Variants in FOXP2 observed in about 807,000 individuals in gnomAD.
The protein encoded by FOXP2 is forkhead box P2.
FOXP2 carries 12 observed loss-of-function variants against 115.8 expected under a neutral mutation model. The ratio of observed to expected loss-of-function variants is 0.10; its 90% CI spans 0.07 to 0.17. FOXP2 has a LOEUF of 0.17. Ranked by LOEUF, FOXP2 falls within the 10% of genes least tolerant of loss-of-function variation. The probability of loss-of-function intolerance (pLI) is 1.00; values close to 1 mark genes in which losing one functional copy is unlikely to be tolerated. For missense variants in FOXP2, 629 were observed against 843.5 expected, an observed-to-expected ratio of 0.75 and a Z score of 3.15; for synonymous variants, 328 against 297.7, an observed-to-expected ratio of 1.10 and a Z score of -1.05.
chr7:114,238,097 C>T (rs1795058322), intron 1 of FOXP2, among the ~76,000 whole-genome samples: 1 of 152,154 alleles, frequency 6.6e-6, no homozygotes, highest in African/African-American at 2.4e-5. Flanking sequence ...AACCAATTAT[C>T]ACTGTTTTGT....
intron 6 of FOXP2, among the ~76,000 whole-genome samples, chr7:114,635,659 T>A (rs1361134438): frequency 6.6e-6 from 1 of 152,196 alleles, no homozygotes. Flanking sequence ...GTATCATAAC[T>A]CTATAATTCT....
chr7:114,273,218 G>A (rs1796110906), intron 1 of FOXP2, among the ~76,000 whole-genome samples: 1 of 151,946 alleles, frequency 6.6e-6, no homozygotes, highest in African/African-American at 2.4e-5. Context: ...TTAGAAGTGT[G>A]TGGTTTAATC....
intron 3 of FOXP2, among the ~76,000 whole-genome samples, chr7:114,560,022 A>G (rs1178963340): frequency 4.6e-5 from 7 of 152,212 alleles, no homozygotes; most frequent in Non-Finnish European, 7.3e-5. Flanking sequence ...GCATTGGGAC[A>G]GTGGCTGCCA....
At chr7:114,556,609 G>A (rs975703671) in intron 3 of FOXP2, among the ~76,000 whole-genome samples, 1 of 152,132 alleles carries the variant, frequency 6.6e-6, no homozygotes, top group African/African-American at 2.4e-5. Flanking sequence ...ATTGAATCAA[G>A]TTCTAATCCA....
intron 4 of FOXP2, 134 bp downstream of exon 4, chr7:114,628,811 T>C: frequency 9.4e-7 from 1 of 1,059,962 alleles, no homozygotes; most frequent in Non-Finnish European, 1.4e-6. Flanking sequence ...AGAACATAAA[T>C]GTAACATTTT....
chr7:114,550,102 C>T (rs934956449), intron 3 of FOXP2, among the ~76,000 whole-genome samples: 4 of 139,544 alleles, frequency 2.9e-5, no homozygotes, highest in Non-Finnish European at 6.1e-5. Flanking sequence ...AGCTCATCTT[C>T]CTTTCTTTTC....
chr7:114,643,975 C>G (rs1392079580), intron 7 of FOXP2, among the ~76,000 whole-genome samples: 1 of 152,070 alleles, frequency 6.6e-6, no homozygotes, highest in African/African-American at 2.4e-5. Flanking sequence ...ATGTTTCTGG[C>G]CTTCATTTGA....
intron 10 of FOXP2, 142 bp downstream of exon 10, chr7:114,654,151 T>C: frequency 6.5e-7 from 1 of 1,533,866 alleles, no homozygotes; most frequent in Middle Eastern, 1.7e-4. Context: ...TAATCGCTTG[T>C]CAAATTGTAT....
At chr7:114,325,048 C>T (rs1797523428) in intron 2 of FOXP2, among the ~76,000 whole-genome samples, 1 of 151,800 alleles carries the variant, frequency 6.6e-6, no homozygotes, top group Non-Finnish European at 1.5e-5. Context: ...CTTTATGTTA[C>T]AAGTAGATTT....
intron 1 of FOXP2, among the ~76,000 whole-genome samples, chr7:114,267,769 AAAT>A (rs1795929675): frequency 1.4e-5 from 2 of 144,288 alleles, no homozygotes; most frequent in African/African-American, 5.3e-5. Context: ...ATAAATAAAT[AAAT>A]AAATAAATAA....
intron 2 of FOXP2, among the ~76,000 whole-genome samples, chr7:114,404,344 G>GTTTA (rs1403234303): frequency 4.0e-5 from 6 of 151,898 alleles, no homozygotes; most frequent in African/African-American, 1.5e-4. Flanking sequence ...CGTTTGTAAC[G>GTTTA]GAAAATATCC....
At chr7:114,441,772 A>C (rs1794617680) in intron 2 of FOXP2, among the ~76,000 whole-genome samples, 2 of 152,204 alleles carry the variant, frequency 1.3e-5, no homozygotes, top group Admixed American at 1.3e-4. Flanking sequence ...CCACTTCATT[A>C]GTCATTAGGG....
At chr7:114,328,532 A>G (rs931131967) in intron 2 of FOXP2, among the ~76,000 whole-genome samples, 4 of 151,788 alleles carry the variant, frequency 2.6e-5, no homozygotes, top group African/African-American at 9.7e-5. Context: ...CACCGCGCCC[A>G]GCCTCAGCCC....
chr7:114,324,231 A>G (rs1287152921), intron 2 of FOXP2, among the ~76,000 whole-genome samples: 1 of 151,798 alleles, frequency 6.6e-6, no homozygotes, highest in Admixed American at 6.6e-5. Context: ...TTCTTTGACC[A>G]TATCCCAGTC....
chr7:114,516,675 G>A (rs1451700781), intron 2 of FOXP2, among the ~76,000 whole-genome samples: 1 of 150,882 alleles, frequency 6.6e-6, no homozygotes, highest in East Asian at 1.9e-4. Flanking sequence ...TAATTTTTTT[G>A]TTCTTTGTTT....
In FOXP2 at chr7:114,689,892, T is replaced by C; in HGVS notation, c.2114T>C (p.Ile705Thr). ...HSPELEDDRE[I>T]EEEPLSEDLE ...CCAGAATTAGAAGACGACAGAGAGATTGAAGAAGAGCCTTTATCTGAAGAT... is the reference window on the plus strand; with the variant it reads ...CCAGAATTAGAAGACGACAGAGAGACTGAAGAAGAGCCTTTATCTGAAGAT... The change falls in exon 17 of 17, where the codon ATT becomes ACT. Residue 705 changes from isoleucine to threonine, a missense_variant. This residue lies in a region of FOXP2 where 117 missense variants were observed against 112.3 expected (regional missense o/e 1.04). Transcript: ENST00000350908. 6.2e-7 allele frequency: 1 copy of C among 1,613,454 alleles called. No homozygotes were observed. Among genetic ancestry groups the C allele is most frequent in the Non-Finnish European group, 8.5e-7 (1 of 1,179,550 alleles).
chr7:114,422,178 TTTGA>T (rs1370856586), intron 1 of FOXP2, among the ~76,000 whole-genome samples: 1 of 151,780 alleles, frequency 6.6e-6, no homozygotes, highest in African/African-American at 2.4e-5. Context: ...AATGCATATG[TTTGA>T]TTAAATAAAT....
At chr7:114,557,975 A>C (rs1800550932) in intron 3 of FOXP2, among the ~76,000 whole-genome samples, 1 of 151,662 alleles carries the variant, frequency 6.6e-6, no homozygotes, top group South Asian at 2.1e-4. Flanking sequence ...CACCTGGCTA[A>C]TTTTTGTATT....
chr7:114,370,562 C>T (rs970913214), intron 2 of FOXP2, among the ~76,000 whole-genome samples: 3 of 152,128 alleles, frequency 2.0e-5, no homozygotes, highest in African/African-American at 7.2e-5. Context: ...ACCAATTTAC[C>T]AGAACATGTA....
Sources: allele counts gnomAD v4.1 joint callset (sites outside exome capture counted in the v4.1 genomes callset), GRCh38; gene constraint gnomAD v4.1.1; regional missense constraint gnomAD v4.1.1; transcripts MANE v1.5; gene names NCBI Gene and HGNC (gene_info 2026-07-23, HGNC 2026-07-21).